The following CSMD1 variants were observed in gnomAD, a reference collection of about 807,000 sequenced individuals.
CSMD1 encodes CUB and Sushi multiple domains 1, also known as CUB and sushi domain-containing protein 1.
CSMD1 carries 213 observed loss-of-function variants against 417.5 expected under a neutral mutation model. The ratio of observed to expected loss-of-function variants is 0.51; its 90% CI spans 0.46 to 0.57. The LOEUF is 0.57. Ranked by LOEUF, CSMD1 falls within the 20% of genes least tolerant of loss-of-function variation. CSMD1 has a pLI of 0.00. For missense variants in CSMD1, 6,923 were observed against 4,529.7 expected, an observed-to-expected ratio of 1.53 and a Z score of -15.17; for synonymous variants, 2,862 against 1,736.8, an observed-to-expected ratio of 1.65 and a Z score of -16.11.
At chr8:4,775,903 AG>A (rs1404181065) in intron 1 of CSMD1, among the ~76,000 whole-genome samples, 37 of 152,230 alleles carry the variant, frequency 2.4e-4, no homozygotes, top group Non-Finnish European at 3.8e-4. Context: ...AGGACAAGTT[AG>A]GGAGTGGCAC....
At chr8:4,242,845 C>G (rs973571188) in intron 3 of CSMD1, among the ~76,000 whole-genome samples, 2 of 152,144 alleles carry the variant, frequency 1.3e-5, no homozygotes, top group South Asian at 4.2e-4. Flanking sequence ...AGTGAAGTCA[C>G]TAGGTAAATT....
intron 5 of CSMD1, among the ~76,000 whole-genome samples, chr8:3,841,490 C>A (rs1803129063): frequency 6.6e-6 from 1 of 152,152 alleles, no homozygotes; most frequent in African/African-American, 2.4e-5. Context: ...ATTCCCTTTT[C>A]ATTGCTCTTC....
chr8:4,376,183 A>G (rs1802721571), intron 3 of CSMD1, among the ~76,000 whole-genome samples: 1 of 152,232 alleles, frequency 6.6e-6, no homozygotes, highest in South Asian at 2.1e-4. Flanking sequence ...CTGTATCAAA[A>G]GAATTTATTT....
At chr8:3,124,834 T>C (rs760805058) in intron 41 of CSMD1, among the ~76,000 whole-genome samples, 5 of 152,220 alleles carry the variant, frequency 3.3e-5, no homozygotes, top group Non-Finnish European at 5.9e-5. Flanking sequence ...ATGACAATGA[T>C]GATTCAAAAC....
chr8:4,713,732 G>A (rs932792018), intron 1 of CSMD1, among the ~76,000 whole-genome samples: 4 of 152,240 alleles, frequency 2.6e-5, no homozygotes, highest in Non-Finnish European at 5.9e-5. Flanking sequence ...CCCCAAACCT[G>A]GCCCCTGAGG....
Position 3,359,346 on chromosome 8 carries a change from G to C in CSMD1, c.3116-6C>G. 6.2e-7 allele frequency: 1 copy of C among 1,611,736 alleles called. No homozygotes were observed. Among genetic ancestry groups the C allele is most frequent in the Non-Finnish European group, 8.5e-7 (1 of 1,178,478 alleles). On this transcript the variant is annotated splice_region_variant and splice_polypyrimidine_tract_variant and intron_variant, in intron 20 of 69. Transcript: ENST00000635120. The stretch of plus-strand genomic sequence containing the variant: ...ACATGGCTCCAGGTCATATTCTGAG[G>C]CATGCAGAGACAGAGTAAATGCATG...
intron 25 of CSMD1, among the ~76,000 whole-genome samples, chr8:3,306,626 G>C (rs1804871987): frequency 6.6e-6 from 1 of 152,046 alleles, no homozygotes; most frequent in Admixed American, 6.6e-5. Flanking sequence ...TTTCTCAAAA[G>C]CAAATTTTGT....
intron 10 of CSMD1, among the ~76,000 whole-genome samples, chr8:3,505,306 G>C (rs1265507751): frequency 6.6e-6 from 1 of 152,180 alleles, no homozygotes; most frequent in Non-Finnish European, 1.5e-5. Flanking sequence ...GATGTGTGGA[G>C]TGACCGCTGA....
chr8:4,267,548 T>C (rs1024415879), intron 3 of CSMD1, among the ~76,000 whole-genome samples: 15 of 151,900 alleles, frequency 9.9e-5, no homozygotes, highest in African/African-American at 3.6e-4. Flanking sequence ...CCAATTGTAA[T>C]AGAAATAGCA....
intron 5 of CSMD1, among the ~76,000 whole-genome samples, chr8:3,822,788 T>G (rs750650019): frequency 6.6e-6 from 1 of 152,138 alleles, no homozygotes; most frequent in Non-Finnish European, 1.5e-5. Context: ...GGATGGATAG[T>G]TGATTTGTGG....
rs1804440538 is a variant in CSMD1, at chr8:4,269,552, A to C, written c.415+150401T>G. ...CCTCAATATATCGCATTCATCTGGTAGCTTTTTTCCTTTTTCTCCAATCTT... is the reference window on the plus strand; with the variant it reads ...CCTCAATATATCGCATTCATCTGGTCGCTTTTTTCCTTTTTCTCCAATCTT... On this transcript the variant is annotated intron_variant, in intron 3 of 69. Coordinates refer to ENST00000635120, the MANE Select transcript of CSMD1 (RefSeq NM_033225.6). Among the ~76,000 whole-genome samples the C allele has an allele frequency of 3.9e-5, 6 of 152,332 alleles. No homozygotes were observed. In the South Asian group the frequency reaches 1.2e-3, roughly 32 times the overall value.
At chr8:4,463,545 T>A (rs1048109293) in intron 2 of CSMD1, among the ~76,000 whole-genome samples, 2 of 152,070 alleles carry the variant, frequency 1.3e-5, no homozygotes, top group Non-Finnish European at 2.9e-5. Context: ...ATGGTCTATA[T>A]CCATCATATT....
intron 5 of CSMD1, among the ~76,000 whole-genome samples, chr8:3,768,332 G>A (rs964292448): frequency 6.6e-6 from 1 of 152,156 alleles, no homozygotes; most frequent in African/African-American, 2.4e-5. Flanking sequence ...CAACCTAACT[G>A]TGGAAGCTCA....
chr8:3,460,426 C>T (rs1206397397), intron 12 of CSMD1, among the ~76,000 whole-genome samples: 12 of 152,088 alleles, frequency 7.9e-5, no homozygotes, highest in Non-Finnish European at 1.6e-4. Context: ...GGGAAGGCTC[C>T]AACCAATTTG....
chr8:4,442,705 G>T (rs938890962), intron 2 of CSMD1, among the ~76,000 whole-genome samples: 1 of 152,118 alleles, frequency 6.6e-6, no homozygotes, highest in Non-Finnish European at 1.5e-5. Context: ...GTAGTTCCCC[G>T]AAATGTGTAT....
At chr8:4,154,405 C>G (rs1377378211) in intron 3 of CSMD1, among the ~76,000 whole-genome samples, 1 of 152,158 alleles carries the variant, frequency 6.6e-6, no homozygotes, top group Non-Finnish European at 1.5e-5. Flanking sequence ...TAAGTATAGA[C>G]AAAGGCATTT....
At chr8:2,987,187 G>C (rs1459972107) in intron 54 of CSMD1, among the ~76,000 whole-genome samples, 1 of 151,976 alleles carries the variant, frequency 6.6e-6, no homozygotes, top group Non-Finnish European at 1.5e-5. Context: ...TGCAGGTCAA[G>C]AAGAAAGGCA....
At chr8:3,727,428 G>A (rs1454734044) in intron 6 of CSMD1, among the ~76,000 whole-genome samples, 1 of 152,148 alleles carries the variant, frequency 6.6e-6, no homozygotes, top group Non-Finnish European at 1.5e-5. Context: ...GGCTTTTCCT[G>A]TCTAATATTC....
At chr8:4,568,979 T>C (rs1798752085) in intron 2 of CSMD1, among the ~76,000 whole-genome samples, 3 of 152,176 alleles carry the variant, frequency 2.0e-5, no homozygotes, top group South Asian at 4.1e-4. Context: ...TTCTTGTAAA[T>C]TTGTTTAAGT....
Sources: allele counts gnomAD v4.1 joint callset (sites outside exome capture counted in the v4.1 genomes callset), GRCh38; gene constraint gnomAD v4.1.1; transcripts MANE v1.5; gene names NCBI Gene and HGNC (gene_info 2026-07-23, HGNC 2026-07-21).